The following SLC8A1 variants were observed in gnomAD, a reference collection of about 807,000 sequenced individuals.
SLC8A1 encodes sodium/calcium exchanger 1.
In SLC8A1, 18 loss-of-function variants were observed where a neutral mutation model predicts 68.3. The observed-to-expected ratio is 0.26, with a 90% CI of 0.18 to 0.39. The LOEUF (loss-of-function observed/expected upper bound fraction) is 0.39. Ranked by LOEUF, SLC8A1 falls within the 10% of genes least tolerant of loss-of-function variation. The pLI is 1.00. For synonymous variants in SLC8A1, 475 were observed against 415.5 expected (o/e 1.14, Z -1.74); for missense variants, 985 against 1,156.7 (o/e 0.85, Z 2.15).
chr2:40,198,593 C>A, intron 2 of SLC8A1, among the ~76,000 whole-genome samples: 1 of 151,798 alleles, frequency 6.6e-6, no homozygotes, highest in African/African-American at 2.4e-5. Flanking sequence ...AGAATGAAAC[C>A]TGCAGTGAGA....
At chr2:40,149,052 CCTAT>C (rs1224930722) in intron 6 of SLC8A1, among the ~76,000 whole-genome samples, 1 of 152,172 alleles carries the variant, frequency 6.6e-6, no homozygotes, top group Non-Finnish European at 1.5e-5. Flanking sequence ...AAGTCAGTGG[CCTAT>C]CTTTTTTATT....
chr2:40,264,740 C>T lies in SLC8A1; in HGVS notation c.1809-86885G>A, dbSNP rs565931654. On this transcript the variant is annotated intron_variant, in intron 2 of 7. Coordinates refer to ENST00000406785, the Ensembl canonical transcript of SLC8A1. The stretch of plus-strand genomic sequence containing the variant: ...GAGAGGGATAGCATTAGGAGATATA[C>T]CTAATGTTAAATGACGAGTTAATGG... Among the ~76,000 whole-genome samples the T allele has an allele frequency of 2.9e-3, 440 of 152,170 alleles. 2 individuals are homozygous for T. The highest frequency in any genetic ancestry group is 6.8e-3 in the Middle Eastern group (2 of 294).
chr2:40,471,174 G>A (rs1576628475), intron 1 of SLC8A1, among the ~76,000 whole-genome samples: 1 of 152,134 alleles, frequency 6.6e-6, no homozygotes, highest in Admixed American at 6.5e-5. Flanking sequence ...TTAATCTTTA[G>A]AACCACCCTC....
chr2:40,246,892 A>T (rs1308864985), intron 2 of SLC8A1, among the ~76,000 whole-genome samples: 1 of 152,222 alleles, frequency 6.6e-6, no homozygotes, highest in East Asian at 1.9e-4. Context: ...GTGAAAACAC[A>T]GTAGCTACCA....
chr2:40,339,584 A>G (rs1286309551), intron 2 of SLC8A1, among the ~76,000 whole-genome samples: 1 of 152,248 alleles, frequency 6.6e-6, no homozygotes, highest in Non-Finnish European at 1.5e-5. Context: ...TACATGTATG[A>G]AAAACTGCTC....
exon 8 of SLC8A1, chr2:40,112,601 T>C (rs886832327): frequency 2.6e-5 from 4 of 152,422 alleles, no homozygotes; most frequent in East Asian, 1.9e-4. Context: ...AAACAACTTA[T>C]ATTCCTTGAA....
chr2:40,452,087 C>G (rs1349607379), upstream of SLC8A1: 4 of 149,898 alleles, frequency 2.7e-5, no homozygotes, highest in South Asian at 7.8e-4. Flanking sequence ...GCGGGAGCCG[C>G]GGCAGCGGGC....
chr2:40,185,245 T>G (rs1160316168), intron 2 of SLC8A1, among the ~76,000 whole-genome samples: 4 of 152,210 alleles, frequency 2.6e-5, no homozygotes, highest in African/African-American at 9.7e-5. Flanking sequence ...TTCCACTATA[T>G]GCCAAAGAGA....
In SLC8A1 at chr2:40,392,165, AAAGG is replaced by A. The variant is rs1394640929; in HGVS notation, c.1808+36304_1808+36307del. 2.0e-5 allele frequency among the ~76,000 whole-genome samples: 3 copies of A among 152,058 alleles called. No individual in the cohort carries two copies. The East Asian group carries it at 5.8e-4, about 29-fold the overall frequency. On this transcript the variant is annotated intron_variant, in intron 2 of 7. Coordinates refer to ENST00000406785, the Ensembl canonical transcript of SLC8A1. ...ATGAAAAATAAAAGAAAGAAAAAAG[AAAGG>A]AAGAGAGGAAGAAAGAAAAGAAAAA...
intron 1 of SLC8A1, among the ~76,000 whole-genome samples, chr2:40,459,343 C>G (rs1703206273): frequency 6.6e-6 from 1 of 151,422 alleles, no homozygotes; most frequent in Non-Finnish European, 1.5e-5. Context: ...GAGTCCCAAA[C>G]AGATAAAATG....
chr2:40,331,803 G>C (rs367721425), intron 2 of SLC8A1, among the ~76,000 whole-genome samples: 1 of 152,030 alleles, frequency 6.6e-6, no homozygotes, highest in Non-Finnish European at 1.5e-5. Flanking sequence ...CAGTTGGCCA[G>C]GCTGGTTTTG....
chr2:40,203,045 C>A (rs2054699923), intron 2 of SLC8A1, among the ~76,000 whole-genome samples: 1 of 151,992 alleles, frequency 6.6e-6, no homozygotes, highest in African/African-American at 2.4e-5. Flanking sequence ...ACTCAGACAA[C>A]AACATGGGAT....
Position 40,416,678 on chromosome 2 carries a change from G to A in SLC8A1, c.1808+11795C>T, listed in dbSNP as rs79387410. 9.0e-3 allele frequency among the ~76,000 whole-genome samples: 1,367 copies of A among 152,158 alleles called. 17 individuals carry two copies. Among genetic ancestry groups the A allele is most frequent in the African/African-American group, 0.031 (1,304 of 41,528 alleles). On this transcript the variant is annotated intron_variant, in intron 2 of 7. Transcript: ENST00000406785. ...ACCCAAAGCTGCTGGTCTGGTCTAGGTAGCGACCAACTAACCAGACCAGTA... is the reference window on the plus strand; with the variant it reads ...ACCCAAAGCTGCTGGTCTGGTCTAGATAGCGACCAACTAACCAGACCAGTA...
chr2:40,286,113 C>A (rs899412654), intron 2 of SLC8A1, among the ~76,000 whole-genome samples: 1 of 152,186 alleles, frequency 6.6e-6, no homozygotes, highest in Non-Finnish European at 1.5e-5. Context: ...ACACGACAGA[C>A]AGTAGTAGCT....
intron 2 of SLC8A1, among the ~76,000 whole-genome samples, chr2:40,410,148 T>A (rs1465008908): frequency 2.0e-5 from 3 of 152,140 alleles, no homozygotes; most frequent in Non-Finnish European, 4.4e-5. Context: ...CATGACTCTT[T>A]GAAGTTTTAG....
chr2:40,255,471 A>T (rs1002826871), intron 2 of SLC8A1, among the ~76,000 whole-genome samples: 2 of 152,216 alleles, frequency 1.3e-5, no homozygotes, highest in South Asian at 4.1e-4. Context: ...GAACATCTCC[A>T]CTATCATCAA....
At chr2:40,254,445 G>GTCATCAGAAAACATGAAGCT (rs1435497765) in intron 2 of SLC8A1, 5 of 147,026 alleles carry the variant, frequency 3.4e-5, no homozygotes, top group Non-Finnish European at 5.9e-5. Flanking sequence ...CATCAGACAG[G>GTCATCAGAAAACATGAAGCT]TCATCAGAAA....
intron 2 of SLC8A1, among the ~76,000 whole-genome samples, chr2:40,367,708 C>G (rs981108596): frequency 2.0e-5 from 3 of 151,960 alleles, no homozygotes; most frequent in Non-Finnish European, 1.5e-5. Flanking sequence ...GAATCTAATA[C>G]TCAAGCTGTG....
At chr2:40,197,209 C>A (rs373411718) in intron 2 of SLC8A1, among the ~76,000 whole-genome samples, 1 of 151,970 alleles carries the variant, frequency 6.6e-6, no homozygotes, top group East Asian at 1.9e-4. Context: ...GAGTGCATTT[C>A]GATAGTGATA....
Sources: gnomAD v4.1 joint callset for allele counts (sites outside exome capture counted in the v4.1 genomes callset) on GRCh38, gnomAD v4.1.1 for gene constraint, MANE v1.5 for transcripts, NCBI Gene and HGNC (gene_info 2026-07-23, HGNC 2026-07-21) for gene names.